PIK3C2A: variants seen among roughly 807,000 people sequenced by gnomAD.
PIK3C2A encodes the protein phosphatidylinositol 4-phosphate 3-kinase C2 domain-containing subunit alpha.
PIK3C2A carries 97 observed loss-of-function variants against 204.5 expected under a neutral mutation model. The ratio of observed to expected loss-of-function variants is 0.47; its 90% CI spans 0.40 to 0.56. The LOEUF (loss-of-function observed/expected upper bound fraction) is 0.56. PIK3C2A is among the 20% of genes least tolerant of loss of function. The pLI is 0.00. For synonymous variants in PIK3C2A, 653 were observed against 664.4 expected (o/e 0.98, Z 0.26); for missense variants, 1,735 against 1,969.2 (o/e 0.88, Z 2.25).
chr11:17,102,835 T>TA lies in PIK3C2A; in HGVS notation c.3682-5dup. On this transcript the variant is annotated splice_polypyrimidine_tract_variant and splice_region_variant and intron_variant, in intron 23 of 32. Coordinates refer to ENST00000691414, the MANE Select transcript of PIK3C2A (RefSeq NM_002645.4). ...AATAGATAAAGTTCTCTGAAGCCTATAAAAAACATACACAATTATTTTAGA... is the reference window on the plus strand; with the variant it reads ...AATAGATAAAGTTCTCTGAAGCCTATAAAAAAACATACACAATTATTTTAGA... 1 of 1,553,596 alleles carries TA rather than the reference T, an allele frequency of 6.4e-7. No homozygotes were observed. The highest frequency in any genetic ancestry group is 2.3e-5 in the East Asian group (1 of 44,316).
At chr11:17,116,797 A>G (rs1004772258) in intron 19 of PIK3C2A, among the ~76,000 whole-genome samples, 6 of 151,920 alleles carry the variant, frequency 3.9e-5, no homozygotes, top group African/African-American at 1.4e-4. Flanking sequence ...CACCATGTTA[A>G]CCAGGATGGT....
intron 21 of PIK3C2A, among the ~76,000 whole-genome samples, chr11:17,111,748 G>A (rs558771757): frequency 1.3e-5 from 2 of 151,814 alleles, no homozygotes; most frequent in African/African-American, 4.8e-5. Flanking sequence ...GTGGTGGCAC[G>A]TGTCTGTAAT....
intron 8 of PIK3C2A, among the ~76,000 whole-genome samples, chr11:17,140,798 A>C (rs1484052011): frequency 6.6e-6 from 1 of 152,232 alleles, no homozygotes; most frequent in Non-Finnish European, 1.5e-5. Flanking sequence ...GGTACATTTT[A>C]TGATATATAA....
intron 19 of PIK3C2A, 36 bp from the exon 20 acceptor site, chr11:17,114,501 G>T (rs747036996): frequency 2.2e-6 from 2 of 898,178 alleles, no homozygotes; most frequent in Non-Finnish European, 3.7e-6. Context: ...AGTACATAAT[G>T]AAAATGAAGA....
chr11:17,176,195 T>C (rs1236397481), intron 1 of PIK3C2A, among the ~76,000 whole-genome samples: 2 of 151,444 alleles, frequency 1.3e-5, no homozygotes, highest in African/African-American at 4.9e-5. Flanking sequence ...TTAGTAGAGA[T>C]GGGGTTTCAC....
intron 1 of PIK3C2A, among the ~76,000 whole-genome samples, chr11:17,195,466 A>G (rs1852117088): frequency 6.7e-6 from 1 of 148,472 alleles, no homozygotes; most frequent in Non-Finnish European, 1.5e-5. Flanking sequence ...ATGCCAGCAA[A>G]CCCAGCACTT....
intron 28 of PIK3C2A, 83 bp downstream of exon 28, chr11:17,094,178 G>A: frequency 1.0e-6 from 1 of 990,774 alleles, no homozygotes; most frequent in Non-Finnish European, 1.5e-6. Flanking sequence ...ATCTTACTAA[G>A]TGTTAACACA....
At chr11:17,185,050 G>A (rs1011794626) in intron 1 of PIK3C2A, among the ~76,000 whole-genome samples, 2 of 151,896 alleles carry the variant, frequency 1.3e-5, no homozygotes, top group Non-Finnish European at 2.9e-5. Flanking sequence ...AATGTCCTAG[G>A]CCTTTGCATT....
In PIK3C2A at chr11:17,145,883, A is replaced by T; in HGVS notation, c.1620T>A (p.Pro540=). 1 of 1,613,630 alleles carries T rather than the reference A, an allele frequency of 6.2e-7. No homozygotes were observed. Among genetic ancestry groups the T allele is most frequent in the Non-Finnish European group, 8.5e-7 (1 of 1,179,826 alleles). Reference sequence around the variant, plus strand: ...TATACCTCGTCATGGCTTCTTTGCAAGGTTTTTCTATTTGATACAGGTGTT... The same window carrying T: ...TATACCTCGTCATGGCTTCTTTGCATGGTTTTTCTATTTGATACAGGTGTT... ...LNKHLYQIEK[P]CKEAMTRHPV... is the part of the protein sequence containing the mutation. The change falls in exon 7 of 33, where the codon CCT becomes CCA. Residue 540 remains proline, a synonymous_variant. Transcript: ENST00000691414.
rs1261925077 is a variant in PIK3C2A at position 17,147,598 on chromosome 11, A to G, written c.1479T>C (p.Ile493=). The change falls in exon 6 of 33, where the codon ATT becomes ATC. Residue 493 remains isoleucine, a synonymous_variant. Transcript: ENST00000691414. ...CTGTGTCCCATTTTCGACAGTTTTG[A>G]ATATGCTCATGACTTCCAAGGCAAT... ...NNHCLGSHEH[I]QNCRKWDTEI... is the part of the protein sequence containing the mutation. 1.9e-6 allele frequency: 3 copies of G among 1,603,042 alleles called. No individual in the cohort carries two copies. Among genetic ancestry groups the G allele is most frequent in the Non-Finnish European group, 2.6e-6 (3 of 1,169,958 alleles).
intron 23 of PIK3C2A, among the ~76,000 whole-genome samples, chr11:17,104,186 C>T (rs2137294257): frequency 1.3e-5 from 2 of 152,170 alleles, no homozygotes; most frequent in South Asian, 4.2e-4. Context: ...TCATTAGAGG[C>T]CTATGTCCTG....
At chr11:17,180,848 T>C (rs1354136377) in intron 1 of PIK3C2A, among the ~76,000 whole-genome samples, 1 of 152,190 alleles carries the variant, frequency 6.6e-6, no homozygotes, top group Non-Finnish European at 1.5e-5. Context: ...ATATTACTTG[T>C]ACTGTTTTGG....
At chr11:17,135,299 T>A (rs1849834876) in intron 9 of PIK3C2A, 140 bp from the exon 10 acceptor site, 2 of 822,262 alleles carry the variant, frequency 2.4e-6, no homozygotes, top group South Asian at 1.7e-5. Context: ...AAATAAATAA[T>A]GCAAAAAGAA....
At chr11:17,093,352 C>T (rs1401893083) in intron 28 of PIK3C2A, among the ~76,000 whole-genome samples, 1 of 152,174 alleles carries the variant, frequency 6.6e-6, no homozygotes, top group East Asian at 1.9e-4. Context: ...CTGCAAGCTC[C>T]ACCTTCTGGG....
At chr11:17,134,080 C>T (rs1433236665) in intron 11 of PIK3C2A, among the ~76,000 whole-genome samples, 10 of 152,042 alleles carry the variant, frequency 6.6e-5, no homozygotes, top group Non-Finnish European at 1.2e-4. Flanking sequence ...ACTGGAAGTG[C>T]TTCAAATACC....
intron 1 of PIK3C2A, among the ~76,000 whole-genome samples, chr11:17,183,861 T>C (rs1448428282): frequency 2.6e-5 from 4 of 151,552 alleles, no homozygotes; most frequent in African/African-American, 7.3e-5. Flanking sequence ...CACCCTCCCT[T>C]TGGGAGGTCG....
chr11:17,198,540 C>T (rs553746562), intron 1 of PIK3C2A, among the ~76,000 whole-genome samples: 22 of 152,184 alleles, frequency 1.4e-4, no homozygotes, highest in South Asian at 1.0e-3. Flanking sequence ...CATATAATAG[C>T]GATTTTAAAA....
chr11:17,135,593 T>G (rs1273098047), intron 9 of PIK3C2A, among the ~76,000 whole-genome samples: 1 of 152,108 alleles, frequency 6.6e-6, no homozygotes, highest in African/African-American at 2.4e-5. Flanking sequence ...GTCTGCTCCT[T>G]TATCCATCAA....
At chr11:17,207,215 C>G (rs1252063522) in intron 1 of PIK3C2A, among the ~76,000 whole-genome samples, 2 of 152,148 alleles carry the variant, frequency 1.3e-5, no homozygotes, top group Non-Finnish European at 2.9e-5. Flanking sequence ...AAGAGTTAAG[C>G]TAGTATTTTT....
Sources: allele counts gnomAD v4.1 joint callset (sites outside exome capture counted in the v4.1 genomes callset), GRCh38; gene constraint gnomAD v4.1.1; transcripts MANE v1.5; gene names NCBI Gene and HGNC (gene_info 2026-07-23, HGNC 2026-07-21).